LMBRD1: variants seen among roughly 807,000 people sequenced by gnomAD.
The protein encoded by LMBRD1 is LMBR1 domain containing 1.
A neutral mutation model predicts 74.8 loss-of-function variants in LMBRD1; 64 were observed. The observed-to-expected ratio is 0.86, with a 90% CI of 0.70 to 1.05. The LOEUF (loss-of-function observed/expected upper bound fraction) is 1.05, where lower values mean the gene tolerates loss of function less well. Ranked by LOEUF, LMBRD1 falls within the 50% of genes least tolerant of loss-of-function variation. The pLI, the probability that LMBRD1 is intolerant of heterozygous loss-of-function variation, is 0.00. For missense variants in LMBRD1, 652 were observed against 645.9 expected (o/e 1.01, Z -0.10); for synonymous variants, 204 against 216.3 (o/e 0.94, Z 0.50).
chr6:69,675,959 A>G lies in LMBRD1; in HGVS notation c.*199T>C. On this transcript the variant is annotated 3_prime_UTR_variant, in exon 16 of 16. Coordinates refer to ENST00000649934, the MANE Select transcript of LMBRD1 (RefSeq NM_018368.4). The stretch of plus-strand genomic sequence containing the variant: ...AAAGCCAGTAGTCTTATATTTACAT[A>G]GCATGATTATGGTAATTTAAAATGT... 1.8e-6 allele frequency: 1 copy of G among 566,920 alleles called. No individual in the cohort carries two copies. Among genetic ancestry groups the G allele is most frequent in the Non-Finnish European group, 3.1e-6 (1 of 320,976 alleles). The allele number at this position is 566,920 out of a possible 1,614,324, so 35.1% of individuals were successfully genotyped here.
chr6:69,692,139 T>C lies in LMBRD1; in HGVS notation c.1417+5424A>G, dbSNP rs1765898153. On this transcript the variant is annotated intron_variant, in intron 14 of 15. Transcript: ENST00000649934. ...TTTTAATTTTGTCTGCTCATTTGTT[T>C]ATAATTCATGTAGTTTGGTACATAG... is the stretch of plus-strand genomic sequence containing the variant. Among the ~76,000 whole-genome samples the C allele has an allele frequency of 3.3e-5, 5 of 152,294 alleles. No individual in the cohort carries two copies. In the South Asian group the frequency reaches 1.0e-3, roughly 32 times the overall value.
chr6:69,793,935 G>C (rs1259002344), intron 1 of LMBRD1, among the ~76,000 whole-genome samples: 1 of 151,774 alleles, frequency 6.6e-6, no homozygotes, highest in Non-Finnish European at 1.5e-5. Flanking sequence ...TGCCCAGGCT[G>C]GTCTCAACTC....
intron 14 of LMBRD1, among the ~76,000 whole-genome samples, chr6:69,691,086 T>C (rs1447262911): frequency 6.6e-6 from 1 of 151,828 alleles, no homozygotes; most frequent in African/African-American, 2.4e-5. Context: ...TGACTTTCAT[T>C]CCTTTATTGC....
chr6:69,771,741 G>A (rs940812506), intron 3 of LMBRD1, among the ~76,000 whole-genome samples: 5 of 152,102 alleles, frequency 3.3e-5, no homozygotes, highest in Non-Finnish European at 7.4e-5. Flanking sequence ...GTTTTGAGCA[G>A]ATAAGGAAAA....
At chr6:69,703,455 CAAA>C (rs530645065) in intron 9 of LMBRD1, among the ~76,000 whole-genome samples, 93 of 122,692 alleles carry the variant, frequency 7.6e-4, no homozygotes, top group Non-Finnish European at 1.2e-3. Context: ...TCCATTTTGG[CAAA>C]AAAAAAAAAA....
intron 2 of LMBRD1, among the ~76,000 whole-genome samples, chr6:69,785,200 C>T (rs537961951): frequency 6.6e-6 from 1 of 152,274 alleles, no homozygotes; most frequent in East Asian, 1.9e-4. Flanking sequence ...AAGCCTCCCT[C>T]TTCTGTTTTT....
intron 9 of LMBRD1, among the ~76,000 whole-genome samples, chr6:69,708,224 T>C (rs1407820341): frequency 6.6e-6 from 1 of 152,160 alleles, no homozygotes. Context: ...CAATATTATA[T>C]ATAAAGGCTG....
rs76778282 is a variant in LMBRD1 at position 69,711,947 on chromosome 6, G to A, written c.915+1698C>T. ...ATTTCATCACCCAGGTACTAAGCAA[G>A]GAACCCATTAGTTATTCTACCCGAT... On this transcript the variant is annotated intron_variant, in intron 9 of 15. Coordinates refer to ENST00000649934, the MANE Select transcript of LMBRD1 (RefSeq NM_018368.4). Among the ~76,000 whole-genome samples the A allele has an allele frequency of 7.2e-3, 1,103 of 152,140 alleles. 41 individuals carry two copies. Among genetic ancestry groups the A allele is most frequent in the Admixed American group, 0.062 (941 of 15,264 alleles).
intron 9 of LMBRD1, chr6:69,705,582 C>T (rs1582068455): frequency 1.9e-5 from 23 of 1,199,820 alleles, no homozygotes; most frequent in Non-Finnish European, 2.5e-5. Context: ...TGGAGTATCT[C>T]ATATAGATTT....
At chr6:69,756,968 ACAAGCATTCAG>A (rs1413790192) in intron 3 of LMBRD1, among the ~76,000 whole-genome samples, 1 of 152,212 alleles carries the variant, frequency 6.6e-6, no homozygotes, top group Non-Finnish European at 1.5e-5. Flanking sequence ...CTGAAAACAT[ACAAGCATTCAG>A]CAATATTAGG....
chr6:69,777,421 C>A (rs1311663353), intron 3 of LMBRD1, among the ~76,000 whole-genome samples: 1 of 144,412 alleles, frequency 6.9e-6, no homozygotes, highest in African/African-American at 2.6e-5. Flanking sequence ...CTTCAGCCTG[C>A]GCAACAGAGC....
intron 14 of LMBRD1, among the ~76,000 whole-genome samples, chr6:69,693,148 C>T (rs1385557923): frequency 6.6e-6 from 1 of 152,078 alleles, no homozygotes; most frequent in African/African-American, 2.4e-5. Context: ...TCACTTTGAA[C>T]ATAAACTATG....
At chr6:69,772,439 G>A (rs1350589587) in intron 3 of LMBRD1, among the ~76,000 whole-genome samples, 1 of 152,090 alleles carries the variant, frequency 6.6e-6, no homozygotes, top group Non-Finnish European at 1.5e-5. Context: ...ATATTAATGT[G>A]ACAAATCATC....
chr6:69,700,762 T>C lies in LMBRD1; in HGVS notation c.1188+3A>G. The C allele has an allele frequency of 6.7e-7, 1 of 1,493,854 alleles. No homozygotes were observed. The highest frequency in any genetic ancestry group is 9.1e-7 in the Non-Finnish European group (1 of 1,099,158). The allele number at this position is 1,493,854 out of a possible 1,614,324, so 92.5% of individuals were successfully genotyped here. ...AAAAAATAATACTGTAATATATACT[T>C]ACTCTAATCCAAAAGAACCATATGC... On this transcript the variant is annotated splice_donor_region_variant and intron_variant, in intron 12 of 15. Transcript: ENST00000649934.
chr6:69,788,393 T>C (rs1188389416), intron 2 of LMBRD1, among the ~76,000 whole-genome samples: 1 of 152,102 alleles, frequency 6.6e-6, no homozygotes, highest in African/African-American at 2.4e-5. Context: ...AAATTTATAA[T>C]TATGTACTGT....
intron 2 of LMBRD1, among the ~76,000 whole-genome samples, chr6:69,781,766 T>G (rs1334201244): frequency 6.6e-6 from 1 of 152,148 alleles, no homozygotes; most frequent in Non-Finnish European, 1.5e-5. Context: ...ACAAATTTAA[T>G]AAATGGAAAG....
At chr6:69,779,374 T>A (rs1765777711) in intron 3 of LMBRD1, among the ~76,000 whole-genome samples, 1 of 152,124 alleles carries the variant, frequency 6.6e-6, no homozygotes, top group Non-Finnish European at 1.5e-5. Context: ...ACAAGTTTCA[T>A]GTTTATTCAA....
At chr6:69,727,096 T>C (rs1404653887) in intron 7 of LMBRD1, among the ~76,000 whole-genome samples, 1 of 151,970 alleles carries the variant, frequency 6.6e-6, no homozygotes, top group African/African-American at 2.4e-5. Flanking sequence ...GTAGTGGAGG[T>C]TGCAGGGAGT....
intron 2 of LMBRD1, among the ~76,000 whole-genome samples, chr6:69,788,184 A>T (rs1016744826): frequency 9.2e-5 from 14 of 152,148 alleles, no homozygotes; most frequent in African/African-American, 3.4e-4. Flanking sequence ...GGTTTGTTAC[A>T]TATGTATAAA....
Sources: gnomAD v4.1 joint callset for allele counts (sites outside exome capture counted in the v4.1 genomes callset) on GRCh38, gnomAD v4.1.1 for gene constraint, MANE v1.5 for transcripts, NCBI Gene and HGNC (gene_info 2026-07-23, HGNC 2026-07-21) for gene names.